Variants in DOCK9 observed in about 807,000 individuals in gnomAD.
The protein encoded by DOCK9 is dedicator of cytokinesis 9.
A neutral mutation model predicts 263.3 loss-of-function variants in DOCK9; 89 were observed. The observed-to-expected ratio is 0.34, with a 90% CI of 0.28 to 0.40. The LOEUF is 0.40. DOCK9 is among the 10% of genes least tolerant of loss of function. The pLI is 1.00. For missense variants in DOCK9, 2,140 were observed against 2,603.4 expected, an observed-to-expected ratio of 0.82 and a Z score of 3.87; for synonymous variants, 976 against 973.1, an observed-to-expected ratio of 1.00 and a Z score of -0.06.
At chr13:98,972,426 C>G (rs1290773417) in intron 1 of DOCK9, among the ~76,000 whole-genome samples, 2 of 143,526 alleles carry the variant, frequency 1.4e-5, no homozygotes, top group Non-Finnish European at 3.1e-5. Context: ...ATTTTAGTTT[C>G]TATACACTGC....
rs748157863 is a variant in DOCK9, at chr13:98,797,105, C to T, written c.6156+10G>A. On this transcript the variant is annotated intron_variant, in intron 52 of 52. Coordinates refer to ENST00000682017, the MANE Select transcript of DOCK9 (RefSeq NM_001366683.2). ...GAACTCCAAGTTGTTGGAGCCAGTG[C>T]GGCCCTCACCTGCTCATGCATGATT... 34 of 1,613,786 alleles carry T rather than the reference C, an allele frequency of 2.1e-5. No individual in the cohort carries two copies. The highest frequency in any genetic ancestry group is 5.5e-5 in the South Asian group (5 of 91,080).
At chr13:98,925,751 T>C in intron 4 of DOCK9, 86 bp downstream of exon 4, 1 of 869,366 alleles carries the variant, frequency 1.2e-6, no homozygotes, top group South Asian at 1.9e-5. Context: ...CCTCAATTAC[T>C]CTGATTGCAT....
Position 98,883,876 on chromosome 13 carries a change from C to G in DOCK9, c.2406G>C (p.Trp802Cys), listed in dbSNP as rs1379273287. 5 of 1,611,744 alleles carry G rather than the reference C, an allele frequency of 3.1e-6. No individual in the cohort carries two copies. The highest frequency in any genetic ancestry group is 1.7e-6 in the Non-Finnish European group (2 of 1,179,076). ...MGRHYGPEIK[W>C]VDGGKPLLKI... ...TCAGCAGTGGCTTGCCTCCATCTACCCATTTAATTTCCGGACCATAATGCT... is the reference window on the plus strand; with the variant it reads ...TCAGCAGTGGCTTGCCTCCATCTACGCATTTAATTTCCGGACCATAATGCT... The change falls in exon 22 of 53, where the codon TGG becomes TGC. Residue 802 changes from tryptophan to cysteine, a missense_variant. Physicochemically the swap from Trp to Cys is radical, Grantham distance 215. Transcript: ENST00000682017.
In DOCK9 at chr13:98,977,985, T is replaced by A; in HGVS notation, c.-76A>T. ...TCCCTGGCCGTGCAAGGCACAGGCATGCCAGTGGTCCAAGGAAGGAAAGGA... is the reference window on the plus strand; with the variant it reads ...TCCCTGGCCGTGCAAGGCACAGGCAAGCCAGTGGTCCAAGGAAGGAAAGGA... On this transcript the variant is annotated 5_prime_UTR_variant, in exon 1 of 53. The change abolishes an upstream ATG in the 5' untranslated region. Coordinates refer to ENST00000682017, the MANE Select transcript of DOCK9 (RefSeq NM_001366683.2). 9.3e-6 allele frequency: 14 copies of A among 1,499,016 alleles called. No individual in the cohort carries two copies. The highest frequency in any genetic ancestry group is 1.2e-5 in the Non-Finnish European group (14 of 1,123,270). The allele number at this position is 1,499,016 out of a possible 1,614,324, so 92.9% of individuals were successfully genotyped here. A position where few individuals can be genotyped will look rare whatever the true frequency, so the allele number is the denominator to read the frequency against.
chr13:99,052,940 C>G (rs530171339), intron 1 of DOCK9, among the ~76,000 whole-genome samples: 4 of 152,094 alleles, frequency 2.6e-5, no homozygotes, highest in African/African-American at 9.7e-5. Flanking sequence ...CATTGGCTGT[C>G]TCTCCACTCT....
chr13:98,993,901 T>C (rs1301536072), intron 1 of DOCK9, among the ~76,000 whole-genome samples: 1 of 152,132 alleles, frequency 6.6e-6, no homozygotes, highest in African/African-American at 2.4e-5. Context: ...AGTAAATAAG[T>C]TGTACTTCAA....
At chr13:98,955,354 A>C in intron 2 of DOCK9, 81 bp downstream of exon 2, 1 of 918,034 alleles carries the variant, frequency 1.1e-6, no homozygotes, top group Non-Finnish European at 1.6e-6. Flanking sequence ...AACTAACCAA[A>C]CAATAAATCA....
intron 27 of DOCK9, among the ~76,000 whole-genome samples, chr13:98,869,923 C>T (rs1410467582): frequency 6.6e-6 from 1 of 152,232 alleles, no homozygotes; most frequent in Non-Finnish European, 1.5e-5. Flanking sequence ...GTGAACATCG[C>T]AGGCTGGATA....
chr13:98,881,897 C>G lies in DOCK9; in HGVS notation c.2670G>C (p.Val890=). ...RATQEEVAVN[V]TRVIIHVVAQ... ...CATCCATCCACCTCCCTTACCGAGT[C>G]ACGTTAACCGCGACTTCTTCCTGTG... The change falls in exon 24 of 53, where the codon GTG becomes GTC. Residue 890 remains valine (V), a synonymous_variant. Transcript: ENST00000682017. 5 of 1,571,628 alleles carry G rather than the reference C, an allele frequency of 3.2e-6. No homozygotes were observed. Among genetic ancestry groups the G allele is most frequent in the Non-Finnish European group, 4.3e-6 (5 of 1,157,674 alleles).
At chr13:98,904,911 C>T (rs1176382859) in intron 9 of DOCK9, among the ~76,000 whole-genome samples, 1 of 152,180 alleles carries the variant, frequency 6.6e-6, no homozygotes, top group Non-Finnish European at 1.5e-5. Flanking sequence ...GAGATCCCTG[C>T]CCTTCTGAAG....
rs565251777 is a variant in DOCK9 at position 99,038,451 on chromosome 13, C to A, written c.129+47772G>T. Among the ~76,000 whole-genome samples, 479 of 151,556 alleles carry A rather than the reference C, an allele frequency of 3.2e-3. 3 individuals are homozygous for A. The highest frequency in any genetic ancestry group is 0.011 in the African/African-American group (464 of 41,284). On this transcript the variant is annotated intron_variant, in intron 1 of 32. Coordinates refer to the DOCK9 transcript ENST00000427887. ...TCCCGAGTAGCTGGGATTACAGGCA[C>A]CCACCACCACGCCCGGCTAACTTTC...
At chr13:98,906,201 G>A (rs2139616150) in intron 9 of DOCK9, among the ~76,000 whole-genome samples, 1 of 152,298 alleles carries the variant, frequency 6.6e-6, no homozygotes, top group South Asian at 2.1e-4. Context: ...TGAGAGGAAG[G>A]CTGGAGTTCC....
intron 34 of DOCK9, chr13:98,854,388 T>A (rs1032287835): frequency 1.3e-5 from 2 of 151,866 alleles, no homozygotes; most frequent in Non-Finnish European, 2.9e-5. Flanking sequence ...TGGTGGCCAA[T>A]TGAAAAAAAA....
At chr13:99,083,877 CAT>C (rs142176155) in intron 1 of DOCK9, among the ~76,000 whole-genome samples, 1,726 of 152,300 alleles carry the variant, frequency 0.011, 30 homozygotes, top group South Asian at 0.054. Flanking sequence ...TAAACCCACA[CAT>C]AGTTTAATTT....
chr13:98,998,605 C>G (rs1463140514), intron 1 of DOCK9, among the ~76,000 whole-genome samples: 4 of 152,082 alleles, frequency 2.6e-5, no homozygotes, highest in Admixed American at 6.5e-5. Context: ...CCAGGTCAGC[C>G]CCTACCCTAC....
intron 1 of DOCK9, among the ~76,000 whole-genome samples, chr13:99,028,045 A>G (rs1308979934): frequency 6.6e-6 from 1 of 152,206 alleles, no homozygotes; most frequent in Non-Finnish European, 1.5e-5. Context: ...AAATCAATAG[A>G]AGAAGTAGGA....
At chr13:98,917,495 T>C (rs1047089491) in intron 7 of DOCK9, among the ~76,000 whole-genome samples, 4 of 152,332 alleles carry the variant, frequency 2.6e-5, no homozygotes, top group Middle Eastern at 3.4e-3. Flanking sequence ...AGATTGTTCA[T>C]AGTGGTGGCC....
chr13:98,952,047 A>G (rs34820886), intron 2 of DOCK9, among the ~76,000 whole-genome samples: 28,148 of 151,666 alleles, frequency 0.19, 2,896 homozygotes, highest in Middle Eastern at 0.31. Flanking sequence ...ATAGGTGCCC[A>G]CCACCATGCC....
chr13:98,811,445 T>C (rs1180909746), intron 45 of DOCK9, among the ~76,000 whole-genome samples: 1 of 152,050 alleles, frequency 6.6e-6, no homozygotes, highest in East Asian at 1.9e-4. Flanking sequence ...AATATTAAAT[T>C]TATTTTAGCT....
Sources: allele counts gnomAD v4.1 joint callset (sites outside exome capture counted in the v4.1 genomes callset), GRCh38; gene constraint gnomAD v4.1.1; transcripts MANE v1.5; gene names NCBI Gene and HGNC (gene_info 2026-07-23, HGNC 2026-07-21).